SNRPD3: variants seen among roughly 807,000 people sequenced by gnomAD.
SNRPD3 encodes small nuclear ribonucleoprotein Sm D3.
For missense variants in SNRPD3, 73 were observed against 167.5 expected (o/e 0.44, Z 3.11); for synonymous variants, 66 against 58.4 (o/e 1.13, Z -0.59).
chr22:24,560,695 C>T (rs982578067), intron 2 of SNRPD3, among the ~76,000 whole-genome samples: 4 of 130,166 alleles, frequency 3.1e-5, no homozygotes, highest in African/African-American at 8.9e-5. Context: ...GGATTACAGG[C>T]GTGAGCCACT....
chr22:24,559,922 A>T (rs2045116399), intron 2 of SNRPD3, among the ~76,000 whole-genome samples: 1 of 151,860 alleles, frequency 6.6e-6, no homozygotes, highest in South Asian at 2.1e-4. Flanking sequence ...TGAAGGAAGG[A>T]TCTGTTTCAG....
intron 1 of SNRPD3, among the ~76,000 whole-genome samples, chr22:24,557,446 C>T (rs2045086938): frequency 6.6e-6 from 1 of 151,924 alleles, no homozygotes. Flanking sequence ...TCCATCCCAT[C>T]ATTCCTCCTC....
Position 24,574,455 on chromosome 22 carries a change from C to T in SNRPD3, c.*2478C>T, listed in dbSNP as rs2045273285. 6.6e-6 allele frequency among the ~76,000 whole-genome samples: 1 copy of T among 152,234 alleles called. No individual in the cohort carries two copies. Among genetic ancestry groups the T allele is most frequent in the Non-Finnish European group, 1.5e-5 (1 of 68,034 alleles). ...TGCCTTTACCCCACTTTCCTTGCCT[C>T]ACAGTAGTCTGTCCAACTCTTGGCT... On this transcript the variant is annotated 3_prime_UTR_variant, in exon 4 of 4. Transcript: ENST00000215829.
chr22:24,572,254 A>T lies in SNRPD3; in HGVS notation c.*277A>T. 1 of 622,458 alleles carries T rather than the reference A, an allele frequency of 1.6e-6. No individual in the cohort carries two copies. Among genetic ancestry groups the T allele is most frequent in the Non-Finnish European group, 2.8e-6 (1 of 353,838 alleles). The allele number at this position is 622,458 out of a possible 1,614,324, so 38.6% of individuals were successfully genotyped here. A position where few individuals can be genotyped will look rare whatever the true frequency, so the allele number is the denominator to read the frequency against. On this transcript the variant is annotated 3_prime_UTR_variant, in exon 4 of 4. Transcript: ENST00000215829. ...GAATGCCAGTACTTTGAAATAGCAC[A>T]GCTATTGATGAGATTTTAAGCTGCT...
chr22:24,570,105 C>T (rs879310495), intron 3 of SNRPD3, among the ~76,000 whole-genome samples: 3 of 152,226 alleles, frequency 2.0e-5, no homozygotes, highest in Non-Finnish European at 4.4e-5. Context: ...TGGGAAACCC[C>T]GCGAGGCCTG....
chr22:24,560,665 C>T (rs1185020324), intron 2 of SNRPD3, among the ~76,000 whole-genome samples: 2 of 145,032 alleles, frequency 1.4e-5, no homozygotes, highest in African/African-American at 5.2e-5. Context: ...CCTGAGTTTG[C>T]CTCAGCCTCC....
rs1569024539 is a variant in SNRPD3 at position 24,560,715 on chromosome 22, C to CCTTTTTTTTTTTTTTTT, written c.126+2915_126+2916insCTTTTTTTTTTTTTTTT. 6.1e-5 allele frequency among the ~76,000 whole-genome samples: 6 copies of CCTTTTTTTTTTTTTTTT among 98,864 alleles called. 3 individuals are homozygous for CCTTTTTTTTTTTTTTTT. Among genetic ancestry groups the CCTTTTTTTTTTTTTTTT allele is most frequent in the South Asian group, 7.2e-4 (2 of 2,776 alleles). The allele number at this position is 98,864 out of a possible 152,430, so 64.9% of individuals were successfully genotyped here. A position where few individuals can be genotyped will look rare whatever the true frequency, so the allele number is the denominator to read the frequency against. On this transcript the variant is annotated intron_variant, in intron 2 of 3. Transcript: ENST00000215829. ...ACAGGCGTGAGCCACTGCACCTGGCCTTTTTTTTTTTTTTTTTTTTTTTTT... is the reference window on the plus strand; with the variant it reads ...ACAGGCGTGAGCCACTGCACCTGGCCCTTTTTTTTTTTTTTTTTTTTTTTTTTTTTTTTTTTTTTTTT...
Position 24,564,604 on chromosome 22 carries a change from G to A in SNRPD3, c.127-3380G>A, listed in dbSNP as rs116360917. 4.3e-3 allele frequency among the ~76,000 whole-genome samples: 648 copies of A among 152,324 alleles called. 8 individuals are homozygous for A. The highest frequency in any genetic ancestry group is 0.015 in the African/African-American group (608 of 41,582). On this transcript the variant is annotated intron_variant, in intron 2 of 3. Transcript: ENST00000215829. ...GGAAAGCGAGAGCAGTAGTGAGCCT[G>A]GTTGTTAGGGTTAAAATAGGAGTCA...
rs1195778204 is a variant in SNRPD3, at chr22:24,560,708, A to C, written c.126+2908A>C. On this transcript the variant is annotated intron_variant, in intron 2 of 3. Coordinates refer to ENST00000215829, the MANE Select transcript of SNRPD3 (RefSeq NM_004175.5). ...TAGGATTACAGGCGTGAGCCACTGC[A>C]CCTGGCCTTTTTTTTTTTTTTTTTT... Among the ~76,000 whole-genome samples, 37 of 116,526 alleles carry C rather than the reference A, an allele frequency of 3.2e-4. 12 individuals are homozygous for C. The highest frequency in any genetic ancestry group is 4.1e-4 in the African/African-American group (12 of 29,532). 76.4% of individuals were successfully genotyped at this position (116,526 alleles called of 152,430 possible).
rs889479874 is a variant in SNRPD3 at position 24,572,618 on chromosome 22, G to A, written c.*641G>A. 2.4e-5 allele frequency: 4 copies of A among 166,290 alleles called. No individual in the cohort carries two copies. The highest frequency in any genetic ancestry group is 3.1e-4 in the South Asian group (2 of 6,374). 10.3% of individuals were successfully genotyped at this position (166,290 alleles called of 1,614,324 possible). ...TGTACTAAAAATAAAAAAATTAGCC[G>A]GGTGCGGTGGCATGTACCTGTAGTC... On this transcript the variant is annotated 3_prime_UTR_variant, in exon 4 of 4. Transcript: ENST00000215829.
intron 3 of SNRPD3, among the ~76,000 whole-genome samples, chr22:24,569,035 G>T (rs1178498520): frequency 2.0e-5 from 3 of 152,112 alleles, no homozygotes; most frequent in Non-Finnish European, 4.4e-5. Flanking sequence ...GAAGTTCTGT[G>T]TGAGAGGTGT....
intron 3 of SNRPD3, among the ~76,000 whole-genome samples, chr22:24,571,217 G>GA (rs2045247083): frequency 6.6e-6 from 1 of 152,146 alleles, no homozygotes; most frequent in African/African-American, 2.4e-5. Context: ...TTTCAGAATT[G>GA]AAAAAATTAA....
chr22:24,560,090 A>ATTTTTTTTT lies in SNRPD3; in HGVS notation c.126+2301_126+2309dup, dbSNP rs71189257. On this transcript the variant is annotated intron_variant, in intron 2 of 3. Coordinates refer to ENST00000215829, the MANE Select transcript of SNRPD3 (RefSeq NM_004175.5). ...CTTAACATAATTATGTTTATAAAGAATTTTTTTTTTTTTTTTTTTGAGATG... is the reference window on the plus strand; with the variant it reads ...CTTAACATAATTATGTTTATAAAGAATTTTTTTTTTTTTTTTTTTTTTTTTTTTGAGATG... Among the ~76,000 whole-genome samples the ATTTTTTTTT allele has an allele frequency of 3.2e-3, 286 of 89,250 alleles. 10 individuals carry two copies. Among genetic ancestry groups the ATTTTTTTTT allele is most frequent in the Admixed American group, 3.5e-3 (21 of 5,948 alleles). 58.6% of individuals were successfully genotyped at this position (89,250 alleles called of 152,430 possible).
chr22:24,571,605 T>C (rs1003839639), intron 3 of SNRPD3, among the ~76,000 whole-genome samples: 1 of 152,108 alleles, frequency 6.6e-6, no homozygotes, highest in Non-Finnish European at 1.5e-5. Context: ...CCGGGCGTTG[T>C]GGTTCACGGC....
At chr22:24,559,965 C>T (rs1430370816) in intron 2 of SNRPD3, among the ~76,000 whole-genome samples, 1 of 152,012 alleles carries the variant, frequency 6.6e-6, no homozygotes, top group Non-Finnish European at 1.5e-5. Flanking sequence ...GGCTCTCTTC[C>T]TGTGTCTTCA....
At chr22:24,555,980 T>C (rs1332717966), upstream of SNRPD3, 1 of 759,834 alleles carries the variant, frequency 1.3e-6, no homozygotes, top group South Asian at 1.8e-5. Context: ...AGAGTGGAAT[T>C]CTGGGTGTTA....
chr22:24,570,177 T>C (rs1182509951), intron 3 of SNRPD3, among the ~76,000 whole-genome samples: 1 of 152,246 alleles, frequency 6.6e-6, no homozygotes, highest in Non-Finnish European at 1.5e-5. Context: ...GGCAGGACCT[T>C]TCTCTGGAGT....
chr22:24,557,526 T>A, intron 1 of SNRPD3, 131 bp from the exon 2 acceptor site: 1 of 591,290 alleles, frequency 1.7e-6, no homozygotes, highest in Non-Finnish European at 2.9e-6. Flanking sequence ...TTTTTTTTCC[T>A]TGGTAGAAAA....
intron 2 of SNRPD3, among the ~76,000 whole-genome samples, chr22:24,567,199 G>A (rs893588914): frequency 1.3e-5 from 2 of 152,228 alleles, no homozygotes; most frequent in African/African-American, 4.8e-5. Context: ...ACCACATCTG[G>A]TATATACTTG....
Sources: gnomAD v4.1 joint callset for allele counts (sites outside exome capture counted in the v4.1 genomes callset) on GRCh38, gnomAD v4.1.1 for gene constraint, MANE v1.5 for transcripts, NCBI Gene and HGNC (gene_info 2026-07-23, HGNC 2026-07-21) for gene names.